ATG10: variants seen among roughly 807,000 people sequenced by gnomAD.
ATG10 encodes autophagy related 10.
ATG10 carries 30 observed loss-of-function variants against 32.1 expected under a neutral mutation model. That is an observed-to-expected ratio of 0.94 (90% CI 0.70 to 1.27). ATG10 has a LOEUF of 1.27. ATG10 is among the 50% of genes most tolerant of loss of function. The pLI is 0.00. For missense variants in ATG10, 233 were observed against 262.3 expected (o/e 0.89, Z 0.77); for synonymous variants, 87 against 91.5 (o/e 0.95, Z 0.28).
chr5:82,089,159 A>G (rs1428541401), intron 3 of ATG10, among the ~76,000 whole-genome samples: 7 of 152,076 alleles, frequency 4.6e-5, no homozygotes, highest in Non-Finnish European at 7.4e-5. Context: ...CGAGACACAC[A>G]TGGAGAAACC....
intron 5 of ATG10, among the ~76,000 whole-genome samples, chr5:82,231,917 C>G (rs1746381537): frequency 6.6e-6 from 1 of 152,138 alleles, no homozygotes; most frequent in Admixed American, 6.5e-5. Flanking sequence ...TTTTAAAAAT[C>G]ATCTTGAAGA....
chr5:82,248,859 A>T (rs890223168), intron 5 of ATG10, among the ~76,000 whole-genome samples: 2 of 151,790 alleles, frequency 1.3e-5, no homozygotes, highest in African/African-American at 4.8e-5. Flanking sequence ...AATAAATTTA[A>T]ACTTTTAATT....
chr5:82,084,495 CTCA>C (rs972405710), intron 3 of ATG10, among the ~76,000 whole-genome samples: 4 of 152,132 alleles, frequency 2.6e-5, no homozygotes, highest in Admixed American at 2.6e-4. Flanking sequence ...CACAAAGATA[CTCA>C]TCAAGAAGAG....
chr5:82,099,460 A>C (rs1765184626), intron 3 of ATG10, among the ~76,000 whole-genome samples: 1 of 151,998 alleles, frequency 6.6e-6, no homozygotes, highest in Non-Finnish European at 1.5e-5. Context: ...TTTTTTAATC[A>C]ATAGAATTAC....
intron 3 of ATG10, among the ~76,000 whole-genome samples, chr5:82,100,766 G>T (rs1012833955): frequency 7.6e-6 from 1 of 131,106 alleles, no homozygotes; most frequent in Non-Finnish European, 1.6e-5. Flanking sequence ...AACAAAACAA[G>T]AACTAGTTTT....
intron 5 of ATG10, among the ~76,000 whole-genome samples, chr5:82,220,866 A>G (rs1274061983): frequency 1.3e-5 from 2 of 151,710 alleles, no homozygotes; most frequent in South Asian, 2.1e-4. Context: ...GATTCAAGCA[A>G]TTCTCCTGCC....
intron 2 of ATG10, among the ~76,000 whole-genome samples, chr5:82,006,130 A>G (rs924262046): frequency 6.6e-6 from 1 of 152,068 alleles, no homozygotes; most frequent in Non-Finnish European, 1.5e-5. Context: ...TTTCTCTTTC[A>G]TATTACTTTC....
chr5:82,089,972 C>T (rs1289976569), intron 3 of ATG10, among the ~76,000 whole-genome samples: 1 of 151,250 alleles, frequency 6.6e-6, no homozygotes, highest in Non-Finnish European at 1.5e-5. Context: ...AGATGACAAG[C>T]ACATGAAAAG....
intron 5 of ATG10, among the ~76,000 whole-genome samples, chr5:82,231,210 ATACTG>A (rs539989323): frequency 6.6e-6 from 1 of 152,188 alleles, no homozygotes; most frequent in South Asian, 2.1e-4. Context: ...TGTCTAGAAA[ATACTG>A]AACTAGATCC....
intron 5 of ATG10, among the ~76,000 whole-genome samples, chr5:82,214,359 C>T (rs1384135091): frequency 1.3e-5 from 2 of 152,070 alleles, no homozygotes; most frequent in African/African-American, 4.8e-5. Context: ...AAAAATACGC[C>T]TTGTAATTCG....
chr5:82,008,594 A>G (rs1266588928), intron 2 of ATG10, among the ~76,000 whole-genome samples: 1 of 152,254 alleles, frequency 6.6e-6, no homozygotes, highest in Non-Finnish European at 1.5e-5. Flanking sequence ...TTAAAATGAT[A>G]GTAATTGTGC....
intron 3 of ATG10, among the ~76,000 whole-genome samples, chr5:82,120,109 T>G (rs1765987836): frequency 6.6e-6 from 1 of 152,166 alleles, no homozygotes; most frequent in East Asian, 1.9e-4. Context: ...ATGGACTTCC[T>G]TGTAAATATA....
Position 82,254,210 on chromosome 5 carries a change from GTC to G in ATG10, c.*149_*150del, listed in dbSNP as rs1388410660. On this transcript the variant is annotated 3_prime_UTR_variant, in exon 8 of 8. Coordinates refer to ENST00000282185, the MANE Select transcript of ATG10 (RefSeq NM_031482.5). ...GATTATTTTTCCCTTGGACACAAAT[GTC>G]TACAGCAACTGGTGTTTGATAGGCT... The G allele has an allele frequency of 6.6e-6, 1 of 152,146 alleles. No homozygotes were observed. The highest frequency in any genetic ancestry group is 1.5e-5 in the Non-Finnish European group (1 of 68,042). The allele number at this position is 152,146 out of a possible 1,614,324, so 9.4% of individuals were successfully genotyped here.
chr5:82,110,700 G>A (rs1765591151), intron 3 of ATG10, among the ~76,000 whole-genome samples: 1 of 151,948 alleles, frequency 6.6e-6, no homozygotes, highest in South Asian at 2.1e-4. Context: ...CTGGATATTA[G>A]CCCTTTGTCA....
rs148619026 is a variant in ATG10 at position 82,128,189 on chromosome 5, C to T, written c.217-36210C>T. 5.3e-3 allele frequency among the ~76,000 whole-genome samples: 802 copies of T among 151,612 alleles called. 7 individuals carry two copies. Among genetic ancestry groups the T allele is most frequent in the African/African-American group, 0.018 (753 of 41,342 alleles). On this transcript the variant is annotated intron_variant, in intron 3 of 7. Coordinates refer to ENST00000282185, the MANE Select transcript of ATG10 (RefSeq NM_031482.5). ...TTTTGAGCCTATGTGTGTCTTTGCA[C>T]GTGAGATGGGTCTCCTGAATACAGC...
At chr5:82,048,419 G>T (rs185470243) in intron 2 of ATG10, among the ~76,000 whole-genome samples, 1 of 151,290 alleles carries the variant, frequency 6.6e-6, no homozygotes, top group Non-Finnish European at 1.5e-5. Context: ...AGTTCTCCTT[G>T]AAGAGGTCCT....
At chr5:82,068,307 C>A (rs1230729343) in intron 3 of ATG10, among the ~76,000 whole-genome samples, 2 of 151,986 alleles carry the variant, frequency 1.3e-5, no homozygotes, top group Non-Finnish European at 2.9e-5. Flanking sequence ...AACAGAAAAC[C>A]AAACACCAAA....
intron 3 of ATG10, among the ~76,000 whole-genome samples, chr5:82,138,024 G>A (rs771326997): frequency 6.6e-6 from 1 of 152,178 alleles, no homozygotes; most frequent in South Asian, 2.1e-4. Flanking sequence ...TGTTTATACT[G>A]TGAGGGGAAA....
At chr5:82,207,175 G>C (rs189422234) in intron 5 of ATG10, among the ~76,000 whole-genome samples, 147 of 152,232 alleles carry the variant, frequency 9.7e-4, no homozygotes, top group Non-Finnish European at 1.6e-3. Context: ...TATATATCAA[G>C]AATAGAATTG....
Sources: gnomAD v4.1 joint callset for allele counts (sites outside exome capture counted in the v4.1 genomes callset) on GRCh38, gnomAD v4.1.1 for gene constraint, MANE v1.5 for transcripts, NCBI Gene and HGNC (gene_info 2026-07-23, HGNC 2026-07-21) for gene names.